The following ITPR1 variants were observed in gnomAD, a reference collection of about 807,000 sequenced individuals.
ITPR1 encodes the protein inositol 1,4,5-trisphosphate receptor type 1.
In ITPR1, 96 loss-of-function variants were observed where a neutral mutation model predicts 318.4. That is an observed-to-expected ratio of 0.30 (90% CI 0.26 to 0.36). ITPR1 has a LOEUF of 0.36. Among genes scored for constraint, ITPR1 ranks in the 10% least tolerant of loss-of-function variants. ITPR1 has a pLI of 1.00. For missense variants in ITPR1, 2,440 were observed against 3,460.2 expected (o/e 0.71, Z 7.40); for synonymous variants, 1,312 against 1,289.9 (o/e 1.02, Z -0.37).
Position 4,675,264 on chromosome 3 carries a change from T to C in ITPR1, c.2779+16T>C. On this transcript the variant is annotated intron_variant, in intron 23 of 61. Transcript: ENST00000649015. ...AAGCTGAAGAGTGAGTATCTGAGGG[T>C]GCCCATACATCTGAGAGATGCCCTC... 1.3e-6 allele frequency: 2 copies of C among 1,592,718 alleles called. No homozygotes were observed. Among genetic ancestry groups the C allele is most frequent in the Non-Finnish European group, 1.7e-6 (2 of 1,168,076 alleles).
chr3:4,733,093 G>A lies in ITPR1; in HGVS notation c.5226G>A (p.Glu1742=). 1 of 1,612,912 alleles carries A rather than the reference G, an allele frequency of 6.2e-7. No homozygotes were observed. Among genetic ancestry groups the A allele is most frequent in the South Asian group, 1.1e-5 (1 of 90,790 alleles). ...LRQLEDHKRG[E]ALRQVLVNRY... Reference sequence around the variant, plus strand: ...ATTATCCTGTTTGAATTAAGGGTGAGGCGCTCAGGCAAGTTCTGGTCAACC... The same window carrying A: ...ATTATCCTGTTTGAATTAAGGGTGAAGCGCTCAGGCAAGTTCTGGTCAACC... The change falls in exon 43 of 62, where the codon GAG becomes GAA. Residue 1742 remains glutamate, a synonymous_variant. Transcript: ENST00000649015.
At chr3:4,649,953 C>T (rs1312008910) in intron 10 of ITPR1, among the ~76,000 whole-genome samples, 3 of 152,166 alleles carry the variant, frequency 2.0e-5, no homozygotes, top group African/African-American at 7.2e-5. Flanking sequence ...ATACTATAAC[C>T]TTATGGGGTA....
chr3:4,844,663 A>G (rs4685835), intron 61 of ITPR1, among the ~76,000 whole-genome samples: 133,492 of 152,226 alleles, frequency 0.88, 58,745 homozygotes, highest in Non-Finnish European at 0.91. Flanking sequence ...CTGTGGATAC[A>G]GTGTAGTGTG....
In ITPR1 at chr3:4,711,884, T is replaced by C; in HGVS notation, c.5103+16T>C. The C allele has an allele frequency of 7.4e-7, 1 of 1,348,274 alleles. No individual in the cohort carries two copies. The highest frequency in any genetic ancestry group is 2.5e-5 in the East Asian group (1 of 39,290). 83.5% of individuals were successfully genotyped at this position (1,348,274 alleles called of 1,614,324 possible). A position where few individuals can be genotyped will look rare whatever the true frequency, so the allele number is the denominator to read the frequency against. On this transcript the variant is annotated intron_variant, in intron 39 of 61. Transcript: ENST00000649015. Reference sequence around the variant, plus strand: ...TGGAGAAAAGGTACTGCATTTTATTTTCATGGTCAAACCAGGTTTTACTAT... The same window carrying C: ...TGGAGAAAAGGTACTGCATTTTATTCTCATGGTCAAACCAGGTTTTACTAT...
chr3:4,648,665 C>T (rs372383332), intron 10 of ITPR1, among the ~76,000 whole-genome samples: 7 of 152,232 alleles, frequency 4.6e-5, no homozygotes, highest in African/African-American at 1.7e-4. Context: ...CAAAAATTAG[C>T]CAGGCATGAT....
intron 52 of ITPR1, among the ~76,000 whole-genome samples, chr3:4,789,932 G>A (rs1231912242): frequency 2.0e-5 from 3 of 152,148 alleles, no homozygotes; most frequent in Non-Finnish European, 4.4e-5. Flanking sequence ...CTGAGTTCTT[G>A]TATCCAAACC....
intron 23 of ITPR1, among the ~76,000 whole-genome samples, chr3:4,675,997 T>C (rs184580279): frequency 6.6e-6 from 1 of 152,304 alleles, no homozygotes; most frequent in East Asian, 1.9e-4. Context: ...TTGTACCTTG[T>C]TAACTTTATG....
intron 49 of ITPR1, among the ~76,000 whole-genome samples, chr3:4,780,483 C>T (rs1036110833): frequency 1.3e-5 from 2 of 152,164 alleles, no homozygotes. Context: ...GTGAGACGAG[C>T]AGCTTTCAGA....
At chr3:4,550,036 A>G (rs1215008338) in intron 4 of ITPR1, among the ~76,000 whole-genome samples, 1 of 152,168 alleles carries the variant, frequency 6.6e-6, no homozygotes. Flanking sequence ...TGTTTTGGCT[A>G]ATGAAATCAA....
At chr3:4,566,602 A>C (rs2087285346) in intron 4 of ITPR1, among the ~76,000 whole-genome samples, 1 of 126,816 alleles carries the variant, frequency 7.9e-6, no homozygotes, top group African/African-American at 3.1e-5. Flanking sequence ...ATGGGGACAC[A>C]TGCACACACA....
chr3:4,618,443 C>T (rs2092469909), intron 4 of ITPR1, among the ~76,000 whole-genome samples: 1 of 152,210 alleles, frequency 6.6e-6, no homozygotes, highest in Admixed American at 6.5e-5. Flanking sequence ...TGTTCCTCCT[C>T]CATCCTCCCA....
intron 24 of ITPR1, among the ~76,000 whole-genome samples, chr3:4,678,835 C>T (rs772460324): frequency 2.0e-4 from 30 of 152,098 alleles, no homozygotes; most frequent in Non-Finnish European, 3.5e-4. Flanking sequence ...GCAGTTCTTG[C>T]TGAGCAGAGA....
intron 30 of ITPR1, 148 bp from the exon 31 acceptor site, chr3:4,688,347 C>T (rs935350553): frequency 1.4e-5 from 12 of 846,834 alleles, no homozygotes; most frequent in African/African-American, 6.8e-5. Context: ...TTCTTTTCAG[C>T]GTCAGCAGTG....
intron 5 of ITPR1, among the ~76,000 whole-genome samples, chr3:4,632,085 C>T (rs1388007754): frequency 6.6e-6 from 1 of 152,232 alleles, no homozygotes; most frequent in African/African-American, 2.4e-5. Flanking sequence ...GTCCACTGAA[C>T]ATCAGTAGCA....
At position 4,669,640 on chromosome 3, in the gene ITPR1, C is replaced by A; in HGVS notation, c.1887-14C>A. Reference sequence around the variant, plus strand: ...TCTATCTACAGAAAATGTTTTGTTTCTGTTTCTGTTTAGATTCTTAGATTA... The same window carrying A: ...TCTATCTACAGAAAATGTTTTGTTTATGTTTCTGTTTAGATTCTTAGATTA... On this transcript the variant is annotated splice_polypyrimidine_tract_variant and intron_variant, in intron 18 of 61. Coordinates refer to ENST00000649015, the MANE Select transcript of ITPR1 (RefSeq NM_001378452.1). 6.2e-7 allele frequency: 1 copy of A among 1,605,914 alleles called. No individual in the cohort carries two copies. The highest frequency in any genetic ancestry group is 8.5e-7 in the Non-Finnish European group (1 of 1,175,302).
chr3:4,537,498 T>C (rs559222337), intron 4 of ITPR1, among the ~76,000 whole-genome samples: 1 of 152,358 alleles, frequency 6.6e-6, no homozygotes, highest in Non-Finnish European at 1.5e-5. Flanking sequence ...ATATGTTACC[T>C]GTGAATATGT....
chr3:4,686,631 G>T (rs1028668880), intron 30 of ITPR1, among the ~76,000 whole-genome samples: 3 of 152,180 alleles, frequency 2.0e-5, no homozygotes, highest in Non-Finnish European at 4.4e-5. Flanking sequence ...GTGTATATCT[G>T]TGTGTGTACA....
intron 4 of ITPR1, 63 bp downstream of exon 4, chr3:4,521,157 G>A (rs569686671): frequency 3.4e-5 from 38 of 1,110,288 alleles, no homozygotes; most frequent in Non-Finnish European, 5.2e-5. Context: ...GAAGTGTGTT[G>A]TTGGTGTGTG....
chr3:4,606,470 A>G (rs186964125), intron 4 of ITPR1, among the ~76,000 whole-genome samples: 1 of 152,176 alleles, frequency 6.6e-6, no homozygotes, highest in Admixed American at 6.5e-5. Flanking sequence ...CTGGAAGGAA[A>G]AAAAAGAAAC....
Sources: allele counts gnomAD v4.1 joint callset (sites outside exome capture counted in the v4.1 genomes callset), GRCh38; gene constraint gnomAD v4.1.1; transcripts MANE v1.5; gene names NCBI Gene and HGNC (gene_info 2026-07-23, HGNC 2026-07-21).